Variants in TAS2R1 observed in about 807,000 individuals in gnomAD.
The protein encoded by TAS2R1 is taste 2 receptor member 1, also known as taste receptor type 2 member 1.
For synonymous variants in TAS2R1, 141 were observed against 134.2 expected, an observed-to-expected ratio of 1.05 and a Z score of -0.35; for missense variants, 370 against 353.4, an observed-to-expected ratio of 1.05 and a Z score of -0.38.
chr5:9,788,166 G>A, the TAS2R1 span, among the ~76,000 whole-genome samples: 1 of 152,204 alleles, frequency 6.6e-6, no homozygotes, highest in Non-Finnish European at 1.5e-5. Context: ...ATGATTTCTT[G>A]TTGAAGGATC....
chr5:9,877,756 G>C, the TAS2R1 span, among the ~76,000 whole-genome samples: 3 of 152,178 alleles, frequency 2.0e-5, no homozygotes, highest in Non-Finnish European at 4.4e-5. Flanking sequence ...TTCTGTCTGC[G>C]AACTGCTTAA....
chr5:9,793,702 G>A, the TAS2R1 span, among the ~76,000 whole-genome samples: 1 of 152,166 alleles, frequency 6.6e-6, no homozygotes, highest in African/African-American at 2.4e-5. Context: ...CCTGGGGTGC[G>A]GGGTCTCATT....
At chr5:9,876,242 A>C in the TAS2R1 span, among the ~76,000 whole-genome samples, 1 of 152,178 alleles carries the variant, frequency 6.6e-6, no homozygotes, top group Admixed American at 6.5e-5. Flanking sequence ...ACCAAAAAAA[A>C]AAAAAAAGTT....
the TAS2R1 span, among the ~76,000 whole-genome samples, chr5:9,840,865 T>TAA: frequency 3.8e-4 from 2 of 5,212 alleles, no homozygotes; most frequent in Admixed American, 3.4e-3. Context: ...TTATTTTTTT[T>TAA]TTTTTTTTTT....
chr5:9,747,095 T>C, the TAS2R1 span, among the ~76,000 whole-genome samples: 1 of 152,148 alleles, frequency 6.6e-6, no homozygotes, highest in African/African-American at 2.4e-5. Context: ...GAATTTAGTG[T>C]TATGATAGCT....
intron 1 of TAS2R1, among the ~76,000 whole-genome samples, chr5:9,672,702 T>A (rs765941762): frequency 2.6e-5 from 4 of 152,174 alleles, no homozygotes; most frequent in Non-Finnish European, 5.9e-5. Context: ...ATTAGTTCAG[T>A]CATTGTGAAA....
At chr5:9,861,951 T>C in the TAS2R1 span, among the ~76,000 whole-genome samples, 2 of 152,222 alleles carry the variant, frequency 1.3e-5, no homozygotes, top group South Asian at 2.1e-4. Context: ...TTGAGTTCAA[T>C]GATGATGCGA....
upstream of TAS2R1, among the ~76,000 whole-genome samples, chr5:9,634,206 C>G (rs1178490445): frequency 6.6e-6 from 1 of 152,066 alleles, no homozygotes; most frequent in African/African-American, 2.4e-5. Flanking sequence ...GTGTCCTTTT[C>G]CCACTTTGTG....
At chr5:9,879,575 A>C in the TAS2R1 span, among the ~76,000 whole-genome samples, 1 of 152,184 alleles carries the variant, frequency 6.6e-6, no homozygotes, top group Non-Finnish European at 1.5e-5. Context: ...CAAGACAACA[A>C]TCAGCATAGG....
the TAS2R1 span, among the ~76,000 whole-genome samples, chr5:9,771,111 T>C: frequency 2.0e-5 from 3 of 152,192 alleles, no homozygotes; most frequent in Admixed American, 6.5e-5. Flanking sequence ...TGAAGGGATG[T>C]TTAATTTTAT....
chr5:9,823,394 C>T, the TAS2R1 span, among the ~76,000 whole-genome samples: 2 of 151,118 alleles, frequency 1.3e-5, no homozygotes, highest in African/African-American at 2.4e-5. Context: ...TATAACTATG[C>T]TCTTGACATA....
chr5:9,864,488 C>G, the TAS2R1 span, among the ~76,000 whole-genome samples: 4 of 151,844 alleles, frequency 2.6e-5, no homozygotes, highest in Non-Finnish European at 2.9e-5. Flanking sequence ...AAAAAATTAG[C>G]TGGGCATGGT....
intron 2 of TAS2R1, among the ~76,000 whole-genome samples, chr5:9,639,195 C>T (rs894204967): frequency 3.3e-5 from 5 of 152,152 alleles, no homozygotes; most frequent in Non-Finnish European, 5.9e-5. Context: ...CCCTGTGACC[C>T]CTCCGCAGTT....
the TAS2R1 span, among the ~76,000 whole-genome samples, chr5:9,754,459 T>G: frequency 6.6e-6 from 1 of 152,184 alleles, no homozygotes; most frequent in East Asian, 1.9e-4. Context: ...GGAAGTCAAA[T>G]TGTCCCTGTT....
the TAS2R1 span, among the ~76,000 whole-genome samples, chr5:9,795,846 G>T: frequency 1.3e-5 from 2 of 152,118 alleles, no homozygotes; most frequent in African/African-American, 4.8e-5. Flanking sequence ...CAAATTTGGG[G>T]TAAGTGTAAT....
the TAS2R1 span, among the ~76,000 whole-genome samples, chr5:9,815,782 A>G: frequency 6.6e-6 from 1 of 152,246 alleles, no homozygotes; most frequent in Non-Finnish European, 1.5e-5. Flanking sequence ...CATGCTTTGT[A>G]TTTGTTCTAA....
At chr5:9,744,553 C>G in the TAS2R1 span, among the ~76,000 whole-genome samples, 5 of 151,770 alleles carry the variant, frequency 3.3e-5, no homozygotes, top group African/African-American at 1.2e-4. Flanking sequence ...GGTGATTATT[C>G]ATGACAAACT....
the TAS2R1 span, among the ~76,000 whole-genome samples, chr5:9,807,257 T>C: frequency 6.6e-6 from 1 of 152,124 alleles, no homozygotes; most frequent in Admixed American, 6.5e-5. Context: ...AGATAATAGA[T>C]GATGGCATGG....
the TAS2R1 span, among the ~76,000 whole-genome samples, chr5:9,888,594 T>C: frequency 1.3e-5 from 2 of 152,182 alleles, no homozygotes; most frequent in African/African-American, 4.8e-5. Flanking sequence ...CAAAGCTGTG[T>C]GCAACGGTGA....
Sources: gnomAD v4.1 joint callset for allele counts (sites outside exome capture counted in the v4.1 genomes callset) on GRCh38, gnomAD v4.1.1 for gene constraint, MANE v1.5 for transcripts, NCBI Gene and HGNC (gene_info 2026-07-23, HGNC 2026-07-21) for gene names.